Variants in TOM1L2 observed in about 807,000 individuals in gnomAD.
The protein encoded by TOM1L2 is TOM1-like protein 2.
Under a neutral mutation model 67.9 loss-of-function variants are expected in TOM1L2, and 31 were observed. The observed-to-expected ratio is 0.46, with a 90% CI of 0.34 to 0.62. The LOEUF is 0.62. TOM1L2 is among the 20% of genes least tolerant of loss of function. TOM1L2 has a pLI of 0.01. For missense variants in TOM1L2, 606 were observed against 663.5 expected, an observed-to-expected ratio of 0.91 and a Z score of 0.95; for synonymous variants, 256 against 254.0, an observed-to-expected ratio of 1.01 and a Z score of -0.07.
chr17:17,869,108 G>T lies in TOM1L2; in HGVS notation c.911+232C>A, dbSNP rs2037008487. ...GCAGAGCAGCCTGAGGCTTACAAAG[G>T]GCAGAGCCTAATTCTGCACGTCAAC... On this transcript the variant is annotated intron_variant, in intron 8 of 14. Coordinates refer to ENST00000379504, the MANE Select transcript of TOM1L2 (RefSeq NM_001082968.2). The T allele has an allele frequency of 7.1e-5, 51 of 713,938 alleles. 2 individuals are homozygous for T. In the South Asian group the frequency reaches 9.7e-4, roughly 14 times the overall value. 44.2% of individuals were successfully genotyped at this position (713,938 alleles called of 1,614,324 possible). A position where few individuals can be genotyped will look rare whatever the true frequency, so the allele number is the denominator to read the frequency against.
intron 1 of TOM1L2, among the ~76,000 whole-genome samples, chr17:17,970,809 C>T (rs1440359869): frequency 1.3e-5 from 2 of 151,466 alleles, no homozygotes; most frequent in African/African-American, 2.4e-5. Flanking sequence ...AGAAAATAAA[C>T]AAATCACTAC....
intron 10 of TOM1L2, among the ~76,000 whole-genome samples, chr17:17,863,060 C>T (rs2036649184): frequency 6.6e-6 from 1 of 152,174 alleles, no homozygotes; most frequent in African/African-American, 2.4e-5. Context: ...CCTCAAACTG[C>T]TCAAGGAGGC....
intron 1 of TOM1L2, among the ~76,000 whole-genome samples, chr17:17,937,706 C>G (rs1035310857): frequency 1.3e-5 from 2 of 152,124 alleles, no homozygotes; most frequent in African/African-American, 4.8e-5. Context: ...TTCCTGCAGG[C>G]TGTAGGAATG....
intron 1 of TOM1L2, among the ~76,000 whole-genome samples, chr17:17,935,440 T>C (rs998162424): frequency 6.6e-6 from 1 of 152,236 alleles, no homozygotes; most frequent in African/African-American, 2.4e-5. Context: ...CCTCCAAATC[T>C]GAATGGCAGA....
intron 1 of TOM1L2, among the ~76,000 whole-genome samples, chr17:17,912,481 G>A (rs2039424294): frequency 1.3e-5 from 2 of 150,234 alleles, no homozygotes; most frequent in East Asian, 2.0e-4. Flanking sequence ...GGGTGGCCGG[G>A]CAGAGACACT....
rs2035731038 is a variant in TOM1L2 at position 17,847,790 on chromosome 17, T to A, written c.1376-7A>T. ...TCAAGGAATTTATCAAACTCTGCAA[T>A]ACAAACCAAGGCAAGGGTCAGGGTT... On this transcript the variant is annotated splice_region_variant and splice_polypyrimidine_tract_variant and intron_variant, in intron 14 of 14. Coordinates refer to ENST00000379504, the MANE Select transcript of TOM1L2 (RefSeq NM_001082968.2). 1 of 1,613,886 alleles carries A rather than the reference T, an allele frequency of 6.2e-7. No homozygotes were observed. The highest frequency in any genetic ancestry group is 1.3e-5 in the African/African-American group (1 of 75,004).
chr17:17,933,655 G>T (rs1167067842), intron 1 of TOM1L2, among the ~76,000 whole-genome samples: 1 of 152,104 alleles, frequency 6.6e-6, no homozygotes, highest in Non-Finnish European at 1.5e-5. Flanking sequence ...TCTAGATCTG[G>T]CTTTAAAATG....
chr17:17,921,941 A>C (rs2039892876), intron 1 of TOM1L2, among the ~76,000 whole-genome samples: 1 of 151,914 alleles, frequency 6.6e-6, no homozygotes, highest in Middle Eastern at 3.4e-3. Flanking sequence ...AGTGTGCCAC[A>C]CTGTCACCAG....
intron 7 of TOM1L2, among the ~76,000 whole-genome samples, chr17:17,874,913 C>A (rs2037344195): frequency 6.6e-6 from 1 of 152,196 alleles, no homozygotes; most frequent in Admixed American, 6.5e-5. Context: ...GGTCTCTGCA[C>A]AGAGAAAGCT....
intron 1 of TOM1L2, among the ~76,000 whole-genome samples, chr17:17,964,936 G>A (rs1474869535): frequency 2.0e-5 from 3 of 152,174 alleles, no homozygotes; most frequent in Non-Finnish European, 2.9e-5. Context: ...AATGTCAGGG[G>A]TTTTAAGACC....
chr17:17,888,224 G>A (rs1361505977), intron 4 of TOM1L2, among the ~76,000 whole-genome samples: 3 of 152,216 alleles, frequency 2.0e-5, no homozygotes, highest in Non-Finnish European at 4.4e-5. Context: ...TTTCCTGCCT[G>A]TGGCTACAAG....
chr17:17,972,269 C>A lies in TOM1L2; in HGVS notation c.45G>T (p.Gln15His), dbSNP rs1369344607. The change falls in exon 1 of 15, where the codon CAG becomes CAT. Residue 15 changes from glutamine to histidine, a missense_variant. Around this residue, in one of 2 missense-constraint regions of TOM1L2, gnomAD observed 63 missense variants for 109.5 expected, o/e 0.58. Coordinates refer to ENST00000379504, the MANE Select transcript of TOM1L2 (RefSeq NM_001082968.2). ...CCCCACACGCGGCCTTACCGAGGCA[C>A]TGCCCCACTGGTGTGCTGAACGGGT... The part of the protein sequence containing the change: ...LGNPFSTPVG[Q>H]CLEKATDGSL... 4 of 1,551,334 alleles carry A rather than the reference C, an allele frequency of 2.6e-6. No individual in the cohort carries two copies. The African/African-American group carries it at 4.1e-5, about 16-fold the overall frequency.
At chr17:17,949,455 C>G (rs1370856675) in intron 1 of TOM1L2, among the ~76,000 whole-genome samples, 3 of 152,226 alleles carry the variant, frequency 2.0e-5, no homozygotes, top group African/African-American at 7.2e-5. Flanking sequence ...CAGCTAGAGT[C>G]TTACAGGATA....
At chr17:17,952,549 G>A (rs4616339) in intron 1 of TOM1L2, among the ~76,000 whole-genome samples, 3 of 151,612 alleles carry the variant, frequency 2.0e-5, no homozygotes, top group Admixed American at 6.6e-5. Flanking sequence ...GTGCTGCCAC[G>A]CCTGGCTAAG....
At chr17:17,971,536 G>A (rs890704195) in intron 1 of TOM1L2, among the ~76,000 whole-genome samples, 2 of 152,132 alleles carry the variant, frequency 1.3e-5, no homozygotes, top group Admixed American at 6.5e-5. Context: ...AGCAAGTCCC[G>A]GAGCAGGGGG....
intron 2 of TOM1L2, among the ~76,000 whole-genome samples, chr17:17,903,505 C>A: frequency 6.6e-6 from 1 of 151,248 alleles, no homozygotes; most frequent in African/African-American, 2.4e-5. Context: ...CCCAGCTACT[C>A]AGGAGGCTGA....
intron 1 of TOM1L2, among the ~76,000 whole-genome samples, chr17:17,915,759 T>C (rs1372887104): frequency 6.6e-6 from 1 of 152,042 alleles, no homozygotes; most frequent in African/African-American, 2.4e-5. Context: ...TGGCCTCAAG[T>C]GATCCTCTTG....
intron 1 of TOM1L2, among the ~76,000 whole-genome samples, chr17:17,944,050 C>T (rs1355442565): frequency 6.6e-6 from 1 of 152,264 alleles, no homozygotes; most frequent in Non-Finnish European, 1.5e-5. Context: ...CCCCACACTG[C>T]ACTTGAGGGT....
At chr17:17,946,535 C>T (rs951512829) in intron 1 of TOM1L2, among the ~76,000 whole-genome samples, 5 of 152,062 alleles carry the variant, frequency 3.3e-5, no homozygotes, top group African/African-American at 1.2e-4. Context: ...TTTATTAGCA[C>T]TTTGTTAGGT....
Sources: gnomAD v4.1 joint callset for allele counts (sites outside exome capture counted in the v4.1 genomes callset) on GRCh38, gnomAD v4.1.1 for gene constraint, gnomAD v4.1.1 regional missense constraint, MANE v1.5 for transcripts, NCBI Gene and HGNC (gene_info 2026-07-23, HGNC 2026-07-21) for gene names.